Variants in FHIT observed in about 807,000 individuals in gnomAD.
FHIT encodes fragile histidine triad diadenosine triphosphatase.
A neutral mutation model predicts 17.9 loss-of-function variants in FHIT; 19 were observed. The observed-to-expected ratio is 1.06, with a 90% CI of 0.74 to 1.56. FHIT has a LOEUF of 1.56. Ranked by LOEUF, FHIT falls within the 40% of genes most tolerant of loss-of-function variation. The pLI, the probability that FHIT is intolerant of heterozygous loss-of-function variation, is 0.00. For missense variants in FHIT, 248 were observed against 189.2 expected (o/e 1.31, Z -1.82); for synonymous variants, 81 against 69.7 (o/e 1.16, Z -0.81).
chr3:60,932,892 T>C (rs782455771), intron 3 of FHIT, among the ~76,000 whole-genome samples: 1 of 152,126 alleles, frequency 6.6e-6, no homozygotes, highest in Non-Finnish European at 1.5e-5. Context: ...CCTTCCCTTG[T>C]AGCCAGTCAC....
chr3:59,914,424 G>A (rs1301492171), intron 8 of FHIT, among the ~76,000 whole-genome samples: 2 of 152,104 alleles, frequency 1.3e-5, no homozygotes, highest in African/African-American at 4.8e-5. Context: ...CAGGCAACTT[G>A]GAGGCCTTAG....
chr3:59,982,922 C>T (rs923522646), intron 7 of FHIT, among the ~76,000 whole-genome samples: 2 of 151,926 alleles, frequency 1.3e-5, no homozygotes, highest in Admixed American at 6.6e-5. Context: ...AAGATGAAGT[C>T]CTATGCATCG....
chr3:60,751,023 T>A (rs2042455528), intron 4 of FHIT, among the ~76,000 whole-genome samples: 1 of 152,318 alleles, frequency 6.6e-6, no homozygotes, highest in African/African-American at 2.4e-5. Flanking sequence ...CTCCCTGGGC[T>A]GTGAGTATAT....
chr3:60,744,246 T>TAAAA (rs368982395), intron 4 of FHIT, among the ~76,000 whole-genome samples: 2 of 30,888 alleles, frequency 6.5e-5, no homozygotes, highest in Non-Finnish European at 1.1e-4. Flanking sequence ...GGAAGTAATG[T>TAAAA]AAAAAAAAAA....
chr3:59,981,595 T>C (rs955875358), intron 7 of FHIT, among the ~76,000 whole-genome samples: 5 of 152,066 alleles, frequency 3.3e-5, no homozygotes, highest in African/African-American at 1.2e-4. Context: ...GCACCTGACA[T>C]CCAGCCCACA....
chr3:61,183,887 G>T (rs566865814), intron 2 of FHIT, among the ~76,000 whole-genome samples: 1 of 151,936 alleles, frequency 6.6e-6, no homozygotes, highest in Admixed American at 6.6e-5. Flanking sequence ...AGCATCATGG[G>T]CAACTGTTGT....
At chr3:60,000,812 G>A (rs530250609) in intron 7 of FHIT, among the ~76,000 whole-genome samples, 76 of 152,174 alleles carry the variant, frequency 5.0e-4, no homozygotes, top group African/African-American at 1.8e-3. Context: ...CCTTACCACA[G>A]CATAAGTCCC....
At chr3:60,044,326 T>A (rs563960183) in intron 5 of FHIT, among the ~76,000 whole-genome samples, 2 of 152,234 alleles carry the variant, frequency 1.3e-5, no homozygotes, top group East Asian at 3.8e-4. Flanking sequence ...ATTAGTAATA[T>A]AGAAAGTTGT....
At chr3:61,131,707 C>T (rs1331957086) in intron 2 of FHIT, among the ~76,000 whole-genome samples, 1 of 152,208 alleles carries the variant, frequency 6.6e-6, no homozygotes, top group African/African-American at 2.4e-5. Flanking sequence ...CTCACAGCAA[C>T]ATCCTGACAA....
At chr3:60,382,044 T>C (rs1253021246) in intron 5 of FHIT, among the ~76,000 whole-genome samples, 3 of 152,366 alleles carry the variant, frequency 2.0e-5, no homozygotes, top group East Asian at 3.9e-4. Flanking sequence ...ATAGCTACTA[T>C]ACTAGCACAA....
At chr3:61,021,515 C>T (rs961327221) in intron 3 of FHIT, among the ~76,000 whole-genome samples, 5 of 137,178 alleles carry the variant, frequency 3.6e-5, no homozygotes, top group East Asian at 2.3e-4. Flanking sequence ...AGGAGAATGG[C>T]GTGAACCCGG....
intron 5 of FHIT, among the ~76,000 whole-genome samples, chr3:60,156,428 C>T (rs941011036): frequency 7.3e-5 from 11 of 151,630 alleles, no homozygotes; most frequent in Admixed American, 1.3e-4. Context: ...AGCTTTGCAT[C>T]GGAGATACAA....
At chr3:61,027,600 T>C (rs958007664) in intron 3 of FHIT, among the ~76,000 whole-genome samples, 2 of 152,202 alleles carry the variant, frequency 1.3e-5, no homozygotes, top group Non-Finnish European at 1.5e-5. Flanking sequence ...AATATGCAGA[T>C]TAACTTAAAG....
chr3:60,116,862 AG>A (rs5849331), intron 5 of FHIT, among the ~76,000 whole-genome samples: 152,248 of 152,248 alleles, frequency 1, 76,124 homozygotes, highest in Non-Finnish European at 1. Flanking sequence ...AAAAAAATTA[AG>A]GGGAGTAACA....
intron 5 of FHIT, among the ~76,000 whole-genome samples, chr3:60,518,093 T>C (rs1384617078): frequency 8.5e-5 from 13 of 152,138 alleles, no homozygotes; most frequent in Non-Finnish European, 1.0e-4. Context: ...CGCACAAATA[T>C]TTAATCTCAG....
chr3:60,671,166 G>T (rs2040494963), intron 4 of FHIT, among the ~76,000 whole-genome samples: 1 of 152,186 alleles, frequency 6.6e-6, no homozygotes. Flanking sequence ...TAGATTGGGA[G>T]AGTGGATTAC....
At chr3:60,785,183 A>G (rs1234291779) in intron 4 of FHIT, among the ~76,000 whole-genome samples, 10 of 152,218 alleles carry the variant, frequency 6.6e-5, no homozygotes, top group Non-Finnish European at 1.5e-4. Context: ...AATGGGATAA[A>G]GAAATAACAG....
chr3:59,915,038 G>A lies in FHIT; in HGVS notation c.348+7308C>T, dbSNP rs537243333. Among the ~76,000 whole-genome samples, 68 of 152,264 alleles carry A rather than the reference G, an allele frequency of 4.5e-4. 3 individuals are homozygous for A. In the South Asian group the frequency reaches 0.013, roughly 29 times the overall value. ...TGAAACAGCCCATTATTCAAGCACT[G>A]TAGTTAAACTTAGGTTTCATTGCAG... On this transcript the variant is annotated intron_variant, in intron 8 of 9. Transcript: ENST00000492590.
chr3:59,886,006 G>A (rs924884948), intron 8 of FHIT, among the ~76,000 whole-genome samples: 1 of 152,198 alleles, frequency 6.6e-6, no homozygotes, highest in Non-Finnish European at 1.5e-5. Context: ...CAAGGCAAAA[G>A]ACACATTTGG....
Sources: gnomAD v4.1 joint callset for allele counts (sites outside exome capture counted in the v4.1 genomes callset) on GRCh38, gnomAD v4.1.1 for gene constraint, MANE v1.5 for transcripts, NCBI Gene and HGNC (gene_info 2026-07-23, HGNC 2026-07-21) for gene names.